The following MYO7A variants were observed in gnomAD, a reference collection of about 807,000 sequenced individuals.
The protein encoded by MYO7A is unconventional myosin-VIIa.
In MYO7A, 210 loss-of-function variants were observed where a neutral mutation model predicts 263.8. The observed-to-expected ratio is 0.80, with a 90% confidence interval of 0.71 to 0.89. MYO7A has a LOEUF of 0.89. Among genes scored for constraint, MYO7A ranks in the 40% least tolerant of loss-of-function variants. MYO7A has a pLI of 0.00. For synonymous variants in MYO7A, 1,239 were observed against 1,197.3 expected, an observed-to-expected ratio of 1.03 and a Z score of -0.72; for missense variants, 2,820 against 2,968.3, an observed-to-expected ratio of 0.95 and a Z score of 1.16.
intron 32 of MYO7A, among the ~76,000 whole-genome samples, chr11:77,196,765 G>A (rs1464241253): frequency 6.6e-6 from 1 of 152,030 alleles, no homozygotes; most frequent in Non-Finnish European, 1.5e-5. Flanking sequence ...CTGTGAGCTG[G>A]CATACACATC....
In MYO7A at chr11:77,203,162, C is replaced by T. The variant is rs2135713425; in HGVS notation, c.5271C>T (p.Leu1757=). The T allele has an allele frequency of 1.3e-6, 2 of 1,551,640 alleles. No individual in the cohort carries two copies. The highest frequency in any genetic ancestry group is 1.7e-6 in the Non-Finnish European group (2 of 1,148,382). ...GGGAACCGCTCAAGCAGGCGCTGCT[C>T]AAGAAGCTCCTGGGCAGTGAGGAGC... ...HTREPLKQAL[L]KKLLGSEELS... is the part of the protein sequence containing the mutation. Residue 1757 remains leucine (L), a synonymous_variant, in exon 38 of 49, where the codon CTC becomes CTT. Coordinates refer to ENST00000409709, the MANE Select transcript of MYO7A (RefSeq NM_000260.4).
intron 11 of MYO7A, among the ~76,000 whole-genome samples, 151 bp downstream of exon 11, chr11:77,160,433 C>A (rs1327927385): frequency 6.6e-6 from 1 of 152,162 alleles, no homozygotes; most frequent in Non-Finnish European, 1.5e-5. Flanking sequence ...TCCTTGAGTC[C>A]CAGGTGCCCA....
rs1318850662 is a variant in MYO7A at position 77,194,392 on chromosome 11, T to C, written c.4191T>C (p.Phe1397=). Residue 1397 remains phenylalanine (F), a synonymous_variant, in exon 32 of 49, where the codon TTT becomes TTC. Coordinates refer to ENST00000409709, the MANE Select transcript of MYO7A (RefSeq NM_000260.4). Reference sequence around the variant, plus strand: ...CTGAGCTGGCCTCCCAGCAGTACTTTGTAGACTATGGCTCTGAGATGATCC... The same window carrying C: ...CTGAGCTGGCCTCCCAGCAGTACTTCGTAGACTATGGCTCTGAGATGATCC... ...DLAELASQQY[F]VDYGSEMILE... is the part of the protein sequence containing the mutation. 6.2e-7 allele frequency: 1 copy of C among 1,612,908 alleles called. No homozygotes were observed. Among genetic ancestry groups the C allele is most frequent in the Non-Finnish European group, 8.5e-7 (1 of 1,179,474 alleles).
rs1555065842 is a variant in MYO7A, at chr11:77,158,358, A to C, written c.931A>C (p.Thr311Pro). 2 of 1,613,404 alleles carry C rather than the reference A, an allele frequency of 1.2e-6. No individual in the cohort carries two copies. The highest frequency in any genetic ancestry group is 4.5e-5 in the East Asian group (2 of 44,870). The change falls in exon 9 of 49, where the codon ACT becomes CCT. Residue 311 changes from threonine (T) to proline (P), a missense_variant. Coordinates refer to ENST00000409709, the MANE Select transcript of MYO7A (RefSeq NM_000260.4). ...IRSAMKVLMF[T>P]DTENWEISKL... ...CTCCGCCATGAAGGTGCTCATGTTC[A>C]CTGACACCGAGAACTGGGAGATCTC...
rs782661097 is a variant in MYO7A, at chr11:77,147,951, G to T, written c.285+1G>T. 1 of 1,542,810 alleles carries T rather than the reference G, an allele frequency of 6.5e-7. No homozygotes were observed. The highest frequency in any genetic ancestry group is 2.5e-5 in the East Asian group (1 of 40,552). On this transcript the variant is annotated splice_donor_variant, in intron 4 of 48. Coordinates refer to ENST00000409709, the MANE Select transcript of MYO7A (RefSeq NM_000260.4). LOFTEE classifies it high-confidence loss of function. ...CCGCTACCGGGACCACCTCATCTACGTGAGTGCCGCCCCGCCCGGTGCCCG... is the reference window on the plus strand; with the variant it reads ...CCGCTACCGGGACCACCTCATCTACTTGAGTGCCGCCCCGCCCGGTGCCCG...
At chr11:77,177,684 A>G (rs782224271) in intron 19 of MYO7A, 41 bp downstream of exon 19, 1 of 1,526,582 alleles carries the variant, frequency 6.6e-7, no homozygotes, top group South Asian at 1.2e-5. Context: ...CAGCCCACAT[A>G]CAGGTGTACG....
chr11:77,149,998 T>G (rs1591236813), intron 4 of MYO7A, among the ~76,000 whole-genome samples: 2 of 152,096 alleles, frequency 1.3e-5, no homozygotes, highest in African/African-American at 4.8e-5. Flanking sequence ...TGGCTACTGG[T>G]GGGTCCTGGG....
intron 3 of MYO7A, among the ~76,000 whole-genome samples, chr11:77,145,017 T>G (rs751892391): frequency 2.0e-5 from 3 of 152,154 alleles, no homozygotes; most frequent in Non-Finnish European, 4.4e-5. Flanking sequence ...TGGCCCCCGG[T>G]AGGTACCTGT....
At position 77,203,106 on chromosome 11, in the gene MYO7A, C is replaced by G; in HGVS notation, c.5215C>G (p.Arg1739Gly). The change falls in exon 38 of 49, where the codon CGA becomes GGA. Residue 1739 changes from arginine to glycine, a missense_variant. Arg to Gly is a moderately radical substitution (Grantham distance 125, BLOSUM62 -2). Transcript: ENST00000409709. ...GAGCCGTGTCATGGTGTCCAAGGCCCGAGGCAAGGACCGGCTGTGGAGCCA... is the reference window on the plus strand; with the variant it reads ...GAGCCGTGTCATGGTGTCCAAGGCCGGAGGCAAGGACCGGCTGTGGAGCCA... ...TLSRVMVSKA[R>G]GKDRLWSHTR... The G allele has an allele frequency of 7.7e-6, 12 of 1,549,206 alleles. No homozygotes were observed. Among genetic ancestry groups the G allele is most frequent in the Non-Finnish European group, 1.0e-5 (12 of 1,147,098 alleles).
rs1555048799 is a variant in MYO7A at position 77,138,580 on chromosome 11, C to T, written c.19-4129C>T. Among the ~76,000 whole-genome samples, 1 of 152,178 alleles carries T rather than the reference C, an allele frequency of 6.6e-6. No individual in the cohort carries two copies. The highest frequency in any genetic ancestry group is 2.4e-5 in the African/African-American group (1 of 41,444). The stretch of plus-strand genomic sequence containing the variant: ...GATGCCACCTGCGGTCTCTGACCTC[C>T]CCCAGTGTGAACTTGGCCGCGGCTG... On this transcript the variant is annotated intron_variant, in intron 2 of 48. Transcript: ENST00000409709. This position sits in a 1 kb window ranked among gnomAD's most constrained non-coding sequence, Gnocchi z 4.9.
chr11:77,176,001 C>G (rs1397277572), intron 18 of MYO7A, among the ~76,000 whole-genome samples: 1 of 152,224 alleles, frequency 6.6e-6, no homozygotes, highest in Non-Finnish European at 1.5e-5. Flanking sequence ...GGAGTCACAG[C>G]CTTGGAGACA....
At chr11:77,194,893 C>A (rs113658749) in intron 32 of MYO7A, among the ~76,000 whole-genome samples, 1 of 152,106 alleles carries the variant, frequency 6.6e-6, no homozygotes, top group African/African-American at 2.4e-5. Flanking sequence ...CCCAACTTCC[C>A]GCCTGGGGAG....
chr11:77,208,875 AC>A, intron 44 of MYO7A, 72 bp downstream of exon 44: 1 of 1,259,266 alleles, frequency 7.9e-7, no homozygotes, highest in Admixed American at 2.0e-5. Context: ...GAAAGCAGAG[AC>A]CCACTGACCT....
intron 3 of MYO7A, among the ~76,000 whole-genome samples, chr11:77,144,142 T>A (rs1343373329): frequency 2.6e-5 from 4 of 152,164 alleles, no homozygotes; most frequent in African/African-American, 9.7e-5. Context: ...GTCAGCATTA[T>A]CTCAGCGGCG....
chr11:77,160,861 C>T (rs558163693), intron 11 of MYO7A, 112 bp from the exon 12 acceptor site: 103 of 1,266,852 alleles, frequency 8.1e-5, no homozygotes, highest in East Asian at 5.3e-4. Flanking sequence ...GGGTTTCACA[C>T]GGCACTTTGT....
chr11:77,166,106 G>C lies in MYO7A; in HGVS notation c.1741G>C (p.Val581Leu), dbSNP rs1953517239. The C allele has an allele frequency of 1.2e-6, 2 of 1,613,772 alleles. No individual in the cohort carries two copies. Among genetic ancestry groups the C allele is most frequent in the Non-Finnish European group, 1.7e-6 (2 of 1,179,876 alleles). ...DTLHGDIIQL[V>L]HSSRNKFIKQ... ...CCTGCATGGGGACATTATCCAGCTG[G>C]TCCACTCCTCCAGGAACAAGTTCAT... Residue 581 changes from valine to leucine, a missense_variant, in exon 15 of 49, where the codon GTC (valine) becomes CTC (leucine). Val to Leu is a conservative substitution (Grantham distance 32). Coordinates refer to ENST00000409709, the MANE Select transcript of MYO7A (RefSeq NM_000260.4).
At chr11:77,175,348 T>G in intron 17 of MYO7A, 24 bp from the exon 18 acceptor site, 1 of 1,610,072 alleles carries the variant, frequency 6.2e-7, no homozygotes, top group African/African-American at 1.3e-5. Flanking sequence ...GTCCATTCCC[T>G]TGTGTTCCCC....
intron 15 of MYO7A, among the ~76,000 whole-genome samples, chr11:77,171,987 G>C (rs951932935): frequency 1.3e-5 from 2 of 152,130 alleles, no homozygotes; most frequent in African/African-American, 4.8e-5. Flanking sequence ...GCCACAGTGC[G>C]GGGGGTTAGG....
chr11:77,212,507 G>C, intron 46 of MYO7A: 1 of 341,528 alleles, frequency 2.9e-6, no homozygotes, highest in Non-Finnish European at 5.7e-6. Context: ...GACGTGGCCA[G>C]AAAGCCTCTC....
Sources: gnomAD v4.1 joint callset for allele counts (sites outside exome capture counted in the v4.1 genomes callset) on GRCh38, gnomAD v4.1.1 for gene constraint, Gnocchi (gnomAD v3.1) non-coding constraint, MANE v1.5 for transcripts, NCBI Gene and HGNC (gene_info 2026-07-23, HGNC 2026-07-21) for gene names.